The following SCYL1 variants were observed in gnomAD, a reference collection of about 807,000 sequenced individuals.
SCYL1 encodes SCY1 like pseudokinase 1.
In SCYL1, 85 loss-of-function variants were observed where a neutral mutation model predicts 94.8. The ratio of observed to expected loss-of-function variants is 0.90; its 90% CI spans 0.75 to 1.07. SCYL1 has a LOEUF of 1.07. Among genes scored for constraint, SCYL1 ranks in the 50% least tolerant of loss-of-function variants. The pLI, the probability that SCYL1 is intolerant of heterozygous loss-of-function variation, is 0.00. For missense variants in SCYL1, 968 were observed against 1,083.3 expected, an observed-to-expected ratio of 0.89 and a Z score of 1.49; for synonymous variants, 459 against 435.5, an observed-to-expected ratio of 1.05 and a Z score of -0.67.
At chr11:65,537,746 T>C in intron 14 of SCYL1, 63 bp from the exon 15 acceptor site, 2 of 1,399,958 alleles carry the variant, frequency 1.4e-6, no homozygotes, top group South Asian at 2.8e-5. Flanking sequence ...GGGATGATGC[T>C]GGGGCGGGCT....
chr11:65,535,881 A>AG, intron 10 of SCYL1, 72 bp from the exon 11 acceptor site: 1 of 1,430,002 alleles, frequency 7.0e-7, no homozygotes, highest in South Asian at 1.4e-5. Context: ...CATTCTGGGA[A>AG]GTAAGGGCTG....
In SCYL1 at chr11:65,537,793, C is replaced by G. The variant is rs1301589151; in HGVS notation, c.1960-16C>G. 2 of 1,545,424 alleles carry G rather than the reference C, an allele frequency of 1.3e-6. No homozygotes were observed. The highest frequency in any genetic ancestry group is 2.7e-5 in the African/African-American group (2 of 73,200). The stretch of plus-strand genomic sequence containing the variant: ...TAGCATGGGGTGGGAGTCAGTGGTC[C>G]CTTCCCACACTGCAGCAGGAGGCCG... On this transcript the variant is annotated splice_polypyrimidine_tract_variant and intron_variant, in intron 14 of 17. Coordinates refer to ENST00000270176, the MANE Select transcript of SCYL1 (RefSeq NM_020680.4).
chr11:65,534,096 T>C (rs1015489368), intron 9 of SCYL1, among the ~76,000 whole-genome samples: 17 of 151,860 alleles, frequency 1.1e-4, no homozygotes, highest in East Asian at 7.7e-4. Context: ...CCGGGCATGG[T>C]GGTGGGCGCC....
Position 65,531,637 on chromosome 11 carries a change from T to C in SCYL1, c.1070T>C (p.Met357Thr), listed in dbSNP as rs1855367981. The stretch of plus-strand genomic sequence containing the variant: ...AAGATCATCCCTGTGGTGGTCAAGA[T>C]GTTCTCATCCACTGACCGGGCCATG... The part of the protein sequence containing the change: ...QQKIIPVVVK[M>T]FSSTDRAMRI... The change falls in exon 8 of 18, where the codon ATG becomes ACG. Residue 357 changes from methionine to threonine, a missense_variant. By Grantham distance (81) the Met-to-Thr change is moderately conservative (BLOSUM62 -1). Around this residue, in one of 2 missense-constraint regions of SCYL1, gnomAD observed 494 missense variants for 619.7 expected, o/e 0.80. Transcript: ENST00000270176. 6.2e-7 allele frequency: 1 copy of C among 1,614,054 alleles called. No individual in the cohort carries two copies. Among genetic ancestry groups the C allele is most frequent in the Non-Finnish European group, 8.5e-7 (1 of 1,179,968 alleles).
In SCYL1 at chr11:65,537,752, G is replaced by A. The variant is rs540336442; in HGVS notation, c.1960-57G>A. ...CCCGTGGCTGGGATGATGCTGGGGC[G>A]GGCTCACTTGCCCTTTAGCATGGGG... On this transcript the variant is annotated intron_variant, in intron 14 of 17. Transcript: ENST00000270176. The A allele has an allele frequency of 1.6e-5, 23 of 1,421,742 alleles. No homozygotes were observed. In the East Asian group the frequency reaches 2.0e-4, roughly 12 times the overall value. 88.1% of individuals were successfully genotyped at this position (1,421,742 alleles called of 1,614,324 possible).
chr11:65,531,739 T>G (rs1855377144), intron 8 of SCYL1, 56 bp downstream of exon 8: 1 of 1,363,626 alleles, frequency 7.3e-7, no homozygotes, highest in Non-Finnish European at 1.0e-6. Context: ...ACCTGGTGGC[T>G]GGGGAGGCAC....
rs368539269 is a variant in SCYL1 at position 65,538,077 on chromosome 11, A to G, written c.2142A>G (p.Pro714=). The change falls in exon 16 of 18, where the codon CCA becomes CCG. Residue 714 remains proline (P), a synonymous_variant. Transcript: ENST00000270176. ...GGCAGGAGCCAAGCTCCCAGGAGCCACCTCCTGACGGTACACGGCTGGCCA... is the reference window on the plus strand; with the variant it reads ...GGCAGGAGCCAAGCTCCCAGGAGCCGCCTCCTGACGGTACACGGCTGGCCA... The part of the protein sequence containing the change: ...QGWQEPSSQE[P]PPDGTRLASE... 1.0e-5 allele frequency: 16 copies of G among 1,607,174 alleles called. No homozygotes were observed. The highest frequency in any genetic ancestry group is 1.3e-5 in the Non-Finnish European group (15 of 1,177,554).
Position 65,538,441 on chromosome 11 carries a change from G to C in SCYL1, c.2303-1G>C. On this transcript the variant is annotated splice_acceptor_variant, in intron 17 of 17. Transcript: ENST00000270176. LOFTEE classifies it high-confidence loss of function. ...ACCGGGGCTCCCCTTCCTGACGCCA[G>C]GACAGGTCAAGGCTGAGCTGGCCCG... is the stretch of plus-strand genomic sequence containing the variant. 6.4e-7 allele frequency: 1 copy of C among 1,556,106 alleles called. No individual in the cohort carries two copies. Among genetic ancestry groups the C allele is most frequent in the Non-Finnish European group, 8.7e-7 (1 of 1,151,706 alleles).
chr11:65,537,438 A>G (rs1156816458), intron 14 of SCYL1, among the ~76,000 whole-genome samples: 1 of 151,774 alleles, frequency 6.6e-6, no homozygotes, highest in Non-Finnish European at 1.5e-5. Context: ...CAGCAAGGAG[A>G]GGCCACTCCT....
chr11:65,526,930 C>A lies in SCYL1; in HGVS notation c.694-32C>A, dbSNP rs896006268. On this transcript the variant is annotated intron_variant, in intron 5 of 17. Transcript: ENST00000270176. The surrounding 1 kb of genome is among the most constrained non-coding windows in gnomAD (Gnocchi z 4.1). ...CCTCAGCCCCTCTGCCAGCTGGCTA[C>A]CCCTGCCCTGACACTGACCCCTCCC... is the stretch of plus-strand genomic sequence containing the variant. The A allele has an allele frequency of 1.9e-6, 3 of 1,610,282 alleles. No individual in the cohort carries two copies. In the Admixed American group the frequency reaches 5.0e-5, roughly 27 times the overall value.
chr11:65,526,380 C>T lies in SCYL1; in HGVS notation c.602+30C>T. 6.5e-7 allele frequency: 1 copy of T among 1,541,026 alleles called. No individual in the cohort carries two copies. Among genetic ancestry groups the T allele is most frequent in the Admixed American group, 1.8e-5 (1 of 55,550 alleles). ...GTGACTGGGGGCAGCGCGCCCCAAC[C>T]TGCCCTGTCCTGGAGGCCCCTGCAG... is the stretch of plus-strand genomic sequence containing the variant. On this transcript the variant is annotated intron_variant, in intron 4 of 17. Transcript: ENST00000270176. The surrounding 1 kb of genome is among the most constrained non-coding windows in gnomAD (Gnocchi z 4.1).
In SCYL1 at chr11:65,526,538, G is replaced by A. The variant is rs1855091815; in HGVS notation, c.602+188G>A. On this transcript the variant is annotated intron_variant, in intron 4 of 17. Transcript: ENST00000270176. The surrounding 1 kb of genome is among the most constrained non-coding windows in gnomAD (Gnocchi z 4.1). ...AGGGCGGTAGGGCGGGATGGACACA[G>A]CATTCGGGGTTGGGTGATTCTGAAC... Among the ~76,000 whole-genome samples, 1 of 152,212 alleles carries A rather than the reference G, an allele frequency of 6.6e-6. No homozygotes were observed. Among genetic ancestry groups the A allele is most frequent in the African/African-American group, 2.4e-5 (1 of 41,460 alleles).
In SCYL1 at chr11:65,537,054, G is replaced by A. The variant is rs750071669; in HGVS notation, c.1885G>A (p.Glu629Lys). 9 of 1,614,022 alleles carry A rather than the reference G, an allele frequency of 5.6e-6. No homozygotes were observed. Among genetic ancestry groups the A allele is most frequent in the Non-Finnish European group, 5.1e-6 (6 of 1,179,982 alleles). The change falls in exon 14 of 18, where the codon GAG becomes AAG. Residue 629 changes from glutamate to lysine, a missense_variant. This residue lies in a region of SCYL1 where 474 missense variants were observed against 463.6 expected (regional missense o/e 1.02). Coordinates refer to ENST00000270176, the MANE Select transcript of SCYL1 (RefSeq NM_020680.4). ...AACCTCAGGCCACTGGGAGACGCAG[G>A]AGGAGGACAAGGACACAGCAGAGGA... is the stretch of plus-strand genomic sequence containing the variant. ...PTTSGHWETQ[E>K]EDKDTAEDSS...
Position 65,536,263 on chromosome 11 carries a change from T to C in SCYL1, c.1580T>C (p.Phe527Ser), listed in dbSNP as rs1855637281. 1 of 1,614,058 alleles carries C rather than the reference T, an allele frequency of 6.2e-7. No individual in the cohort carries two copies. Residue 527 changes from phenylalanine to serine, a missense_variant, in exon 12 of 18, where the codon TTC (phenylalanine) becomes TCC (serine). Physicochemically the swap from Phe to Ser is radical, Grantham distance 155. Transcript: ENST00000270176. ...CTCTGCCTCGTTACCCCACAGGCCT[T>C]CAAGGCCATTCGGAGCTTCCTGTCC... ...DPEKSVRDQA[F>S]KAIRSFLSKL... is the part of the protein sequence containing the mutation.
rs1334352157 is a variant in SCYL1 at position 65,525,145 on chromosome 11, G to C, written c.-9G>C. ...TAAGGCGCCCGAACCCGCGGCGGCG[G>C]TGGGGACGATGTGGTTCTTTGCCCG... On this transcript the variant is annotated 5_prime_UTR_variant, in exon 1 of 18. Coordinates refer to ENST00000270176, the MANE Select transcript of SCYL1 (RefSeq NM_020680.4). The C allele has an allele frequency of 5.3e-6, 7 of 1,322,952 alleles. No individual in the cohort carries two copies. The highest frequency in any genetic ancestry group is 2.0e-5 in the South Asian group (1 of 49,066). 82.0% of individuals were successfully genotyped at this position (1,322,952 alleles called of 1,614,324 possible). A position where few individuals can be genotyped will look rare whatever the true frequency, so the allele number is the denominator to read the frequency against.
At chr11:65,532,454 G>A (rs1208013488) in intron 8 of SCYL1, among the ~76,000 whole-genome samples, 1 of 151,514 alleles carries the variant, frequency 6.6e-6, no homozygotes, top group Non-Finnish European at 1.5e-5. Flanking sequence ...AAATAGAAGA[G>A]GCTCTGAGAG....
chr11:65,535,798 A>G, intron 10 of SCYL1, 155 bp from the exon 11 acceptor site: 2 of 745,492 alleles, frequency 2.7e-6, no homozygotes, highest in Non-Finnish European at 4.2e-6. Context: ...CCAGGTCCAG[A>G]GTTTTAGGTC....
rs1855082051 is a variant in SCYL1 at position 65,526,413 on chromosome 11, A to G, written c.602+63A>G. 7.5e-7 allele frequency: 1 copy of G among 1,336,240 alleles called. No homozygotes were observed. The highest frequency in any genetic ancestry group is 1.4e-5 in the South Asian group (1 of 72,278). 82.8% of individuals were successfully genotyped at this position (1,336,240 alleles called of 1,614,324 possible). ...TCCTGGAGGCCCCTGCAGCCTCAGGACTCCTAGACTAGTTGGCACTCCCCT... is the reference window on the plus strand; with the variant it reads ...TCCTGGAGGCCCCTGCAGCCTCAGGGCTCCTAGACTAGTTGGCACTCCCCT... On this transcript the variant is annotated intron_variant, in intron 4 of 17. Transcript: ENST00000270176. This position sits in a 1 kb window ranked among gnomAD's most constrained non-coding sequence, Gnocchi z 4.1.
At chr11:65,536,926 T>G in intron 13 of SCYL1, 60 bp from the exon 14 acceptor site, 3 of 1,090,242 alleles carry the variant, frequency 2.8e-6, no homozygotes, top group Non-Finnish European at 2.7e-6. Flanking sequence ...CCCCTTCCCC[T>G]AGCAGCCTCT....
Sources: allele counts gnomAD v4.1 joint callset (sites outside exome capture counted in the v4.1 genomes callset), GRCh38; gene constraint gnomAD v4.1.1; regional missense constraint gnomAD v4.1.1; non-coding constraint Gnocchi (gnomAD v3.1); transcripts MANE v1.5; gene names NCBI Gene and HGNC (gene_info 2026-07-23, HGNC 2026-07-21).